The following POM121 variants were observed in gnomAD, a reference collection of about 807,000 sequenced individuals.
POM121 encodes the protein POM121 transmembrane nucleoporin.
Under a neutral mutation model 81.3 loss-of-function variants are expected in POM121, and 32 were observed. That is an observed-to-expected ratio of 0.39 (90% CI 0.30 to 0.53). The LOEUF (loss-of-function observed/expected upper bound fraction) is 0.53. Ranked by LOEUF, POM121 falls within the 20% of genes least tolerant of loss-of-function variation. The pLI is 0.66. For missense variants in POM121, 1,138 were observed against 1,614.6 expected, an observed-to-expected ratio of 0.70 and a Z score of 5.06; for synonymous variants, 514 against 694.2, an observed-to-expected ratio of 0.74 and a Z score of 4.08.
chr7:72,934,172 C>T (rs2129578858), intron 5 of POM121, among the ~76,000 whole-genome samples: 1 of 152,130 alleles, frequency 6.6e-6, no homozygotes, highest in South Asian at 2.1e-4. Flanking sequence ...GCAACCTCCA[C>T]CTCCTGGGTT....
rs1220646165 is a variant in POM121, at chr7:72,925,319, G to A, written c.198G>A (p.Trp66Ter). The change falls in exon 1 of 13, where the codon TGG becomes TGA. Residue 66 changes from tryptophan (W) to a stop codon, truncating the protein, a stop_gained. Coordinates refer to ENST00000434423, the MANE Select transcript of POM121 (RefSeq NM_001387691.1). LOFTEE classifies it high-confidence loss of function. ...TGACCGTGGGGGCTACCGCGGCCTG[G>A]TGGGGACTGAGCCGCGAGCCCCGAG... The part of the protein sequence containing the change: ...AWLTVGATAA[W>*]WGLSREPRGS... 6.5e-7 allele frequency: 1 copy of A among 1,534,484 alleles called. No homozygotes were observed. Among genetic ancestry groups the A allele is most frequent in the Non-Finnish European group, 8.7e-7 (1 of 1,146,626 alleles).
chr7:72,926,512 T>C, intron 2 of POM121, 35 bp downstream of exon 2: 3 of 1,611,874 alleles, frequency 1.9e-6, no homozygotes, highest in Admixed American at 3.3e-5. Context: ...CTCTCCCTTT[T>C]CGTGTCCACT....
upstream of POM121, among the ~76,000 whole-genome samples, chr7:72,920,913 C>G (rs1205658859): frequency 4.6e-5 from 7 of 152,128 alleles, no homozygotes; most frequent in African/African-American, 1.4e-4. Context: ...CACAGTGGCT[C>G]ATGCCTGTAA....
At position 72,933,413 on chromosome 7, in the gene POM121, T is replaced by G. The variant is rs181975969; in HGVS notation, c.1275+3302T>G. 5.2e-3 allele frequency among the ~76,000 whole-genome samples: 789 copies of G among 152,350 alleles called. 7 individuals are homozygous for G. The highest frequency in any genetic ancestry group is 7.1e-3 in the Non-Finnish European group (486 of 68,036). On this transcript the variant is annotated intron_variant, in intron 5 of 12. Transcript: ENST00000434423. ...AGTAGTTTGATCATCTGTTCATATG[T>G]TGAATGATTATTTTCAGTTCTGTTT...
rs1432179382 is a variant in POM121, at chr7:72,946,533, C to G, written c.*299C>G. On this transcript the variant is annotated 3_prime_UTR_variant, in exon 13 of 13. Transcript: ENST00000434423. Reference sequence around the variant, plus strand: ...GTACATAGTGTCCGCTGCCCTGACTCCCGCTTAGCACACCCTTAGGCAGGC... The same window carrying G: ...GTACATAGTGTCCGCTGCCCTGACTGCCGCTTAGCACACCCTTAGGCAGGC... 3.5e-5 allele frequency: 40 copies of G among 1,145,018 alleles called. 1 individual carries two copies. The highest frequency in any genetic ancestry group is 4.3e-5 in the Non-Finnish European group (40 of 930,062). 70.9% of individuals were successfully genotyped at this position (1,145,018 alleles called of 1,614,324 possible).
At chr7:72,949,163 G>A (rs1797914047), downstream of POM121, 14 of 1,296,168 alleles carry the variant, frequency 1.1e-5, no homozygotes, top group East Asian at 1.2e-4. Context: ...TGAAATCCTC[G>A]CTCCTGAAAT....
downstream of POM121, chr7:72,948,381 C>T (rs536419229): frequency 6.2e-5 from 100 of 1,613,382 alleles, 1 homozygote; most frequent in South Asian, 1.5e-4. Flanking sequence ...ACCCAATAAC[C>T]TTTCAAAACG....
chr7:72,949,282 G>A (rs1165852544), downstream of POM121: 1 of 841,060 alleles, frequency 1.2e-6, no homozygotes, highest in African/African-American at 1.7e-5. Flanking sequence ...GGACCTCTGA[G>A]TCCCTCAGCC....
chr7:72,913,608 C>T (rs1554494636), intron 3 of POM121, among the ~76,000 whole-genome samples: 1 of 152,174 alleles, frequency 6.6e-6, no homozygotes, highest in East Asian at 1.9e-4. Flanking sequence ...ATAGAAGACA[C>T]GACCCAGAGC....
Position 72,939,935 on chromosome 7 carries a change from G to A in POM121, c.1530G>A (p.Leu510=). 6.2e-7 allele frequency: 1 copy of A among 1,607,768 alleles called. No homozygotes were observed. The highest frequency in any genetic ancestry group is 8.5e-7 in the Non-Finnish European group (1 of 1,176,908). The change falls in exon 8 of 13, where the codon CTG becomes CTA. Residue 510 remains leucine, a synonymous_variant. Transcript: ENST00000434423. ...SSGQRKRKVQ[L]LPSRRGEQLT... ...GGCAGCGTAAGCGGAAAGTTCAGCT[G>A]CTGCCTTCTCGGCGAGGGGAACAGC...
At chr7:72,884,907 A>G (rs1790561759) in intron 1 of POM121, among the ~76,000 whole-genome samples, 1 of 152,180 alleles carries the variant, frequency 6.6e-6, no homozygotes, top group Non-Finnish European at 1.5e-5. Context: ...CAGGAAATTT[A>G]TCATTGATTT....
chr7:72,885,904 T>C (rs1197915671), intron 1 of POM121, among the ~76,000 whole-genome samples: 2 of 151,942 alleles, frequency 1.3e-5, no homozygotes, highest in Admixed American at 6.5e-5. Flanking sequence ...TTTATGATTC[T>C]ACTTTATATC....
At chr7:72,917,108 T>G (rs1249595016) in intron 4 of POM121, among the ~76,000 whole-genome samples, 3 of 152,240 alleles carry the variant, frequency 2.0e-5, no homozygotes, top group Admixed American at 2.0e-4. Flanking sequence ...AGTGTGTTTT[T>G]AATCATTGAA....
Position 72,945,673 on chromosome 7 carries a change from C to T in POM121, c.3617C>T (p.Ala1206Val), listed in dbSNP as rs782458086. The T allele has an allele frequency of 6.2e-7, 1 of 1,612,186 alleles. No individual in the cohort carries two copies. The highest frequency in any genetic ancestry group is 8.5e-7 in the Non-Finnish European group (1 of 1,179,060). The stretch of plus-strand genomic sequence containing the variant: ...AGCCTCTCCTTTGGGGCATCCTCAG[C>T]ACCCGCCCAAGGCTTTGTTGGTGTT... Reference protein sequence around the residue: ...GSSLSFGASSAPAQGFVGVAP... With the variant: ...GSSLSFGASSVPAQGFVGVAP... Residue 1206 changes from alanine (A) to valine (V), a missense_variant, in exon 12 of 13, where the codon GCA becomes GTA. By Grantham distance (64) the Ala-to-Val change is moderately conservative (BLOSUM62 0). Around this residue, in one of 7 missense-constraint regions of POM121, gnomAD observed 336 missense variants for 344.3 expected, o/e 0.98. Coordinates refer to ENST00000434423, the MANE Select transcript of POM121 (RefSeq NM_001387691.1).
At chr7:72,950,261 G>A (rs1304796764), downstream of POM121, 21 of 1,473,388 alleles carry the variant, frequency 1.4e-5, no homozygotes, top group South Asian at 1.0e-4. Context: ...CTATTTCAAC[G>A]GTCCATTCAT....
chr7:72,884,878 A>G (rs1482867824), intron 1 of POM121, among the ~76,000 whole-genome samples: 5 of 152,136 alleles, frequency 3.3e-5, no homozygotes, highest in African/African-American at 1.2e-4. Flanking sequence ...TTAAATATCC[A>G]TAGCACAGTA....
At position 72,899,227 on chromosome 7, in the gene POM121, T is replaced by C. The variant is rs553774005; in HGVS notation, c.-216+8117T>C. Among the ~76,000 whole-genome samples the C allele has an allele frequency of 6.7e-4, 102 of 152,198 alleles. 1 individual carries two copies. Among genetic ancestry groups the C allele is most frequent in the Admixed American group, 5.0e-3 (77 of 15,254 alleles). ...CTCAAACTCCTGACCGCAGGTGTTC[T>C]GCCCACCTTGGCCTTCCAAAGTGCT... On this transcript the variant is annotated intron_variant, in intron 3 of 15. Coordinates refer to the POM121 transcript ENST00000395270.
intron 3 of POM121, among the ~76,000 whole-genome samples, chr7:72,893,150 G>A (rs1264565634): frequency 1.3e-5 from 2 of 152,006 alleles, no homozygotes; most frequent in African/African-American, 2.4e-5. Flanking sequence ...TAGAGACGGG[G>A]TTTCAGTCTG....
Position 72,933,827 on chromosome 7 carries a change from T to G in POM121, c.1275+3716T>G, listed in dbSNP as rs557969808. ...CATGTTATCTTTTCAGGGAGCTGAC[T>G]GAATAACTTACAGTATTGGTGTAAG... On this transcript the variant is annotated intron_variant, in intron 5 of 12. Transcript: ENST00000434423. 4.6e-5 allele frequency among the ~76,000 whole-genome samples: 7 copies of G among 152,374 alleles called. No individual in the cohort carries two copies. In the South Asian group the frequency reaches 1.4e-3, roughly 32 times the overall value.
Sources: allele counts gnomAD v4.1 joint callset (sites outside exome capture counted in the v4.1 genomes callset), GRCh38; gene constraint gnomAD v4.1.1; regional missense constraint gnomAD v4.1.1; transcripts MANE v1.5; gene names NCBI Gene and HGNC (gene_info 2026-07-23, HGNC 2026-07-21).